FLT3: variants seen among roughly 807,000 people sequenced by gnomAD.
The protein encoded by FLT3 is receptor-type tyrosine-protein kinase FLT3.
FLT3 carries 46 observed loss-of-function variants against 126.6 expected under a neutral mutation model. The observed-to-expected ratio is 0.36, with a 90% CI of 0.29 to 0.46. The LOEUF is 0.46. Ranked by LOEUF, FLT3 falls within the 20% of genes least tolerant of loss-of-function variation. The pLI is 1.00. For synonymous variants in FLT3, 404 were observed against 434.4 expected, an observed-to-expected ratio of 0.93 and a Z score of 0.87; for missense variants, 1,069 against 1,190.3, an observed-to-expected ratio of 0.90 and a Z score of 1.50.
intron 1 of FLT3, among the ~76,000 whole-genome samples, chr13:28,094,807 T>C (rs1007977897): frequency 6.6e-6 from 1 of 152,254 alleles, no homozygotes; most frequent in East Asian, 1.9e-4. Context: ...TGCCTACTTT[T>C]ATATTATTTT....
Position 28,003,514 on chromosome 13 carries a change from G to A in FLT3, c.*538C>T. The A allele has an allele frequency of 4.2e-6, 1 of 236,454 alleles. No individual in the cohort carries two copies. The highest frequency in any genetic ancestry group is 8.4e-6 in the Non-Finnish European group (1 of 119,722). 14.6% of individuals were successfully genotyped at this position (236,454 alleles called of 1,614,324 possible). A position where few individuals can be genotyped will look rare whatever the true frequency, so the allele number is the denominator to read the frequency against. On this transcript the variant is annotated 3_prime_UTR_variant, in exon 24 of 24. Coordinates refer to ENST00000241453, the MANE Select transcript of FLT3 (RefSeq NM_004119.3). ...GGTAAAAGCACACGTGCTCTGGAAG[G>A]AATGTGTAGGTGGCTATGGGTGCAC... is the stretch of plus-strand genomic sequence containing the variant.
intron 1 of FLT3, among the ~76,000 whole-genome samples, chr13:28,098,511 C>G (rs1879618556): frequency 6.6e-6 from 1 of 152,136 alleles, no homozygotes; most frequent in South Asian, 2.1e-4. Flanking sequence ...CTGCCATACA[C>G]TGCTAGTGGG....
intron 21 of FLT3, 30 bp downstream of exon 21, chr13:28,015,560 C>G (rs1181616332): frequency 5.9e-6 from 8 of 1,364,948 alleles, no homozygotes; most frequent in Non-Finnish European, 8.4e-6. Flanking sequence ...AAGCCAGGAG[C>G]CAAGGGAGGC....
chr13:28,051,788 C>A (rs7991154), intron 5 of FLT3, among the ~76,000 whole-genome samples: 1 of 146,776 alleles, frequency 6.8e-6, no homozygotes, highest in Non-Finnish European at 1.5e-5. Flanking sequence ...CCTCGTGATC[C>A]GCCGGTCTTG....
Position 28,061,854 on chromosome 13 carries a change from T to C in FLT3, c.368+13A>G, listed in dbSNP as rs1876594372. ...AACCACATTTTATGTCAAGAAGGTA[T>C]TCCTCCACTTACCTGTTTTGTAAAT... On this transcript the variant is annotated intron_variant, in intron 3 of 23. Transcript: ENST00000241453. The C allele has an allele frequency of 2.5e-6, 4 of 1,599,132 alleles. No homozygotes were observed. The highest frequency in any genetic ancestry group is 1.1e-5 in the South Asian group (1 of 90,648).
chr13:28,074,163 G>GT (rs952856717), intron 1 of FLT3, among the ~76,000 whole-genome samples: 19 of 152,032 alleles, frequency 1.2e-4, no homozygotes, highest in Admixed American at 8.5e-4. Flanking sequence ...AGTATGAACT[G>GT]TTTTTTTATA....
chr13:28,053,397 G>GATATAT lies in FLT3; in HGVS notation c.485-729_485-724dup, dbSNP rs10522717. Reference sequence around the variant, plus strand: ...TGTTTGAAAATACTATGTACTGTTTGATATATATATATATATATGAAAGAA... The same window carrying GATATAT: ...TGTTTGAAAATACTATGTACTGTTTGATATATATATATATATATATATATGAAAGAA... On this transcript the variant is annotated intron_variant, in intron 4 of 23. Transcript: ENST00000241453. Among the ~76,000 whole-genome samples, 1,084 of 134,888 alleles carry GATATAT rather than the reference G, an allele frequency of 8.0e-3. 7 individuals are homozygous for GATATAT. Among genetic ancestry groups the GATATAT allele is most frequent in the Non-Finnish European group, 0.013 (830 of 65,218 alleles). 88.5% of individuals were successfully genotyped at this position (134,888 alleles called of 152,430 possible).
intron 23 of FLT3, among the ~76,000 whole-genome samples, chr13:28,007,358 T>G (rs989898791): frequency 6.6e-6 from 1 of 152,116 alleles, no homozygotes; most frequent in Non-Finnish European, 1.5e-5. Flanking sequence ...GTGATTCTCT[T>G]GTCTCAGCCT....
chr13:28,043,327 G>A (rs944210146), intron 9 of FLT3, among the ~76,000 whole-genome samples: 1 of 152,052 alleles, frequency 6.6e-6, no homozygotes, highest in Non-Finnish European at 1.5e-5. Flanking sequence ...ACACCAGGAC[G>A]GCTAGAAAGT....
chr13:28,035,648 C>A lies in FLT3; in HGVS notation c.1444G>T (p.Val482Phe). The change falls in exon 12 of 24, where the codon GTC (valine) becomes TTC (phenylalanine). Residue 482 changes from valine to phenylalanine, a missense_variant. Physicochemically the swap from Val to Phe is conservative, Grantham distance 50 (BLOSUM62 -1). Coordinates refer to ENST00000241453, the MANE Select transcript of FLT3 (RefSeq NM_004119.3). ...TTTCTGTTAGCCTTTCTATTCCAGA[C>A]TCCTTCTGTGATCTCTTCTGTGCAG... ...PNCTEEITEG[V>F]WNRKANRKVF... 12 of 1,613,816 alleles carry A rather than the reference C, an allele frequency of 7.4e-6. No individual in the cohort carries two copies. Among genetic ancestry groups the A allele is most frequent in the Non-Finnish European group, 9.3e-6 (11 of 1,179,946 alleles).
chr13:28,097,863 A>T (rs1252740513), intron 1 of FLT3, among the ~76,000 whole-genome samples: 1 of 152,220 alleles, frequency 6.6e-6, no homozygotes, highest in Admixed American at 6.5e-5. Context: ...AATTTTTTTT[A>T]ACACTAATGA....
At chr13:28,063,700 G>GT (rs1876768629) in intron 2 of FLT3, among the ~76,000 whole-genome samples, 1 of 150,862 alleles carries the variant, frequency 6.6e-6, no homozygotes, top group Non-Finnish European at 1.5e-5. Context: ...CACTTACTAT[G>GT]ATAAGTGCAA....
intron 1 of FLT3, chr13:28,073,382 G>A (rs1473323160): frequency 2.4e-6 from 1 of 417,666 alleles, no homozygotes; most frequent in Non-Finnish European, 4.7e-6. Flanking sequence ...ATTTTTTACT[G>A]TCACTTGAGT....
chr13:28,025,368 C>G (rs773134567), intron 17 of FLT3: 1 of 453,096 alleles, frequency 2.2e-6, no homozygotes, highest in South Asian at 1.6e-5. Flanking sequence ...AAGCGTTTCA[C>G]CATCCTTCTT....
At position 28,049,569 on chromosome 13, in the gene FLT3, A is replaced by G. The variant is rs1207736540; in HGVS notation, c.883-32T>C. 1.9e-6 allele frequency: 3 copies of G among 1,612,582 alleles called. No individual in the cohort carries two copies. In the African/African-American group the frequency reaches 4.0e-5, roughly 22 times the overall value. Reference sequence around the variant, plus strand: ...TTTAATAAAACAGAGTTTGCATTTAATGTTTTCAATCCAGACTATTAGTTA... The same window carrying G: ...TTTAATAAAACAGAGTTTGCATTTAGTGTTTTCAATCCAGACTATTAGTTA... On this transcript the variant is annotated intron_variant, in intron 7 of 23. Transcript: ENST00000241453.
intron 15 of FLT3, among the ~76,000 whole-genome samples, 188 bp downstream of exon 15, chr13:28,033,699 G>C (rs1873563295): frequency 6.6e-6 from 1 of 152,076 alleles, no homozygotes; most frequent in African/African-American, 2.4e-5. Flanking sequence ...AGAAGAGGTG[G>C]AGTTTTGTAT....
intron 1 of FLT3, among the ~76,000 whole-genome samples, chr13:28,084,514 T>C (rs1303430002): frequency 1.3e-5 from 2 of 152,026 alleles, no homozygotes; most frequent in African/African-American, 4.8e-5. Context: ...GCCACCAACC[T>C]GGCTAATTAT....
At chr13:28,020,086 A>G (rs1872247646) in intron 19 of FLT3, among the ~76,000 whole-genome samples, 1 of 152,122 alleles carries the variant, frequency 6.6e-6, no homozygotes, top group Non-Finnish European at 1.5e-5. Flanking sequence ...CAGTATGTCC[A>G]ACTCATTACC....
chr13:28,014,534 C>T lies in FLT3; in HGVS notation c.2777G>A (p.Trp926Ter). The change falls in exon 23 of 24, where the codon TGG becomes TAG. Residue 926 changes from tryptophan (W) to a stop codon, truncating the protein, a stop_gained. Transcript: ENST00000241453. LOFTEE classifies it high-confidence loss of function. ...TGGCCGTTTCCTTGAGTCAAAAGCC[C>T]AGCAGGATTGCATTATAATGTATCT... ...EEIYIIMQSC[W>*]AFDSRKRPSF... The T allele has an allele frequency of 6.2e-7, 1 of 1,613,566 alleles. No individual in the cohort carries two copies. The highest frequency in any genetic ancestry group is 8.5e-7 in the Non-Finnish European group (1 of 1,179,580).
Sources: allele counts gnomAD v4.1 joint callset (sites outside exome capture counted in the v4.1 genomes callset), GRCh38; gene constraint gnomAD v4.1.1; transcripts MANE v1.5; gene names NCBI Gene and HGNC (gene_info 2026-07-23, HGNC 2026-07-21).